DPF3: variants seen among roughly 807,000 people sequenced by gnomAD.
DPF3 encodes the protein zinc finger protein DPF3.
Under a neutral mutation model 56.8 loss-of-function variants are expected in DPF3, and 18 were observed. The observed-to-expected ratio is 0.32, with a 90% confidence interval of 0.22 to 0.47. DPF3 has a LOEUF of 0.47. Among genes scored for constraint, DPF3 ranks in the 20% least tolerant of loss-of-function variants. The pLI is 1.00. For missense variants in DPF3, 403 were observed against 488.8 expected (o/e 0.82, Z 1.65); for synonymous variants, 188 against 180.2 (o/e 1.04, Z -0.35).
chr14:72,852,456 C>G (rs894577666), intron 1 of DPF3, among the ~76,000 whole-genome samples: 1 of 152,224 alleles, frequency 6.6e-6, no homozygotes, highest in African/African-American at 2.4e-5. Flanking sequence ...CTCACACCCC[C>G]TTGCCTGAAA....
intron 1 of DPF3, among the ~76,000 whole-genome samples, chr14:72,798,752 C>T (rs1178708652): frequency 1.3e-5 from 2 of 152,212 alleles, no homozygotes; most frequent in South Asian, 4.1e-4. Context: ...TCAGTTCCTG[C>T]CTTGGGCCAA....
At chr14:72,846,078 G>GTTTAT (rs58779335) in intron 1 of DPF3, among the ~76,000 whole-genome samples, 11,601 of 133,586 alleles carry the variant, frequency 0.087, 604 homozygotes, top group Non-Finnish European at 0.11. Context: ...TTATTTTACT[G>GTTTAT]TTTATTTTAT....
At chr14:72,765,237 A>G (rs1022248742) in intron 2 of DPF3, among the ~76,000 whole-genome samples, 2 of 152,228 alleles carry the variant, frequency 1.3e-5, no homozygotes, top group Admixed American at 1.3e-4. Context: ...AAAAATTTTC[A>G]AACTGACCAC....
chr14:72,692,016 G>T (rs1390955286), intron 7 of DPF3, among the ~76,000 whole-genome samples: 1 of 152,182 alleles, frequency 6.6e-6, no homozygotes, highest in African/African-American at 2.4e-5. Flanking sequence ...GGTTAAGGGA[G>T]ACCCCACACT....
In DPF3 at chr14:72,719,069, C is replaced by CTTTT. The variant is rs71448401; in HGVS notation, c.525+4560_525+4563dup. On this transcript the variant is annotated intron_variant, in intron 5 of 10. Transcript: ENST00000556509. ...ACAGGTGTGAGCCACCGTGCCAGGC[C>CTTTT]TTTTTTTTTTTTTTTTTTGAGATGG... 1.4e-3 allele frequency among the ~76,000 whole-genome samples: 136 copies of CTTTT among 100,692 alleles called. 7 individuals are homozygous for CTTTT. Among genetic ancestry groups the CTTTT allele is most frequent in the African/African-American group, 1.8e-3 (47 of 26,152 alleles). The allele number at this position is 100,692 out of a possible 152,430, so 66.1% of individuals were successfully genotyped here.
At chr14:72,673,439 A>G (rs1886776820) in intron 8 of DPF3, among the ~76,000 whole-genome samples, 1 of 152,246 alleles carries the variant, frequency 6.6e-6, no homozygotes, top group African/African-American at 2.4e-5. Flanking sequence ...TGCTGACATA[A>G]TACAATATGA....
chr14:72,676,274 T>A (rs1241228225), intron 7 of DPF3, among the ~76,000 whole-genome samples: 1 of 152,140 alleles, frequency 6.6e-6, no homozygotes, highest in African/African-American at 2.4e-5. Context: ...TGGAAGGCAA[T>A]CAGAGAATCC....
intron 1 of DPF3, among the ~76,000 whole-genome samples, chr14:72,886,268 A>C (rs1886542198): frequency 6.6e-6 from 1 of 152,172 alleles, no homozygotes; most frequent in Admixed American, 6.5e-5. Flanking sequence ...GCTACTCGGG[A>C]GACTGAGACA....
intron 8 of DPF3, among the ~76,000 whole-genome samples, chr14:72,631,773 T>C (rs764850734): frequency 3.3e-5 from 5 of 152,250 alleles, no homozygotes; most frequent in Non-Finnish European, 4.4e-5. Context: ...ATTAATCAGC[T>C]ACACATGTAT....
chr14:72,712,257 C>T (rs961753465), intron 6 of DPF3, among the ~76,000 whole-genome samples: 1 of 152,128 alleles, frequency 6.6e-6, no homozygotes. Flanking sequence ...ACTGAGAGTC[C>T]CGAAACAAAG....
chr14:72,635,413 A>T (rs1219217068), intron 8 of DPF3, among the ~76,000 whole-genome samples: 2 of 152,214 alleles, frequency 1.3e-5, no homozygotes, highest in African/African-American at 4.8e-5. Flanking sequence ...ATGTGCACAG[A>T]TGCTGAAAAT....
At chr14:72,827,171 G>T (rs547463890) in intron 1 of DPF3, among the ~76,000 whole-genome samples, 2 of 152,202 alleles carry the variant, frequency 1.3e-5, no homozygotes, top group African/African-American at 2.4e-5. Context: ...TCCGCTTGGG[G>T]TGGTTACGAC....
intron 8 of DPF3, chr14:72,671,555 T>C (rs1886678389): frequency 2.7e-6 from 2 of 743,116 alleles, no homozygotes; most frequent in Non-Finnish European, 4.9e-6. Context: ...AAAGGCATCA[T>C]CTCTACCATA....
intron 8 of DPF3, among the ~76,000 whole-genome samples, chr14:72,649,179 G>T (rs1885819037): frequency 6.6e-6 from 1 of 152,044 alleles, no homozygotes; most frequent in African/African-American, 2.4e-5. Context: ...CACTTGTCAT[G>T]GTGGTTGGGA....
chr14:72,731,577 C>T (rs1180536653), intron 4 of DPF3: 11 of 538,262 alleles, frequency 2.0e-5, no homozygotes, highest in Non-Finnish European at 3.0e-5. Flanking sequence ...TTTGCATAGA[C>T]AGACAGAAGA....
rs535623757 is a variant in DPF3, at chr14:72,764,126, G to A, written c.193+7607C>T. 1.1e-4 allele frequency among the ~76,000 whole-genome samples: 17 copies of A among 152,222 alleles called. No homozygotes were observed. In the South Asian group the frequency reaches 1.5e-3, roughly 13 times the overall value. On this transcript the variant is annotated intron_variant, in intron 2 of 10. Transcript: ENST00000556509. ...CTCTGGATAAGGGATTATAAACAGC[G>A]GAGCCAACCACAAGATTAGCAGGCT...
At chr14:72,800,730 A>G (rs111795148) in intron 1 of DPF3, among the ~76,000 whole-genome samples, 5 of 152,234 alleles carry the variant, frequency 3.3e-5, no homozygotes, top group African/African-American at 1.2e-4. Flanking sequence ...GGATGGATAG[A>G]TGCATGGGTG....
rs541315632 is a variant in DPF3 at position 72,886,599 on chromosome 14, A to C, written c.32+7458T>G. Among the ~76,000 whole-genome samples the C allele has an allele frequency of 2.0e-5, 3 of 152,280 alleles. No homozygotes were observed. In the South Asian group the frequency reaches 6.2e-4, roughly 32 times the overall value. On this transcript the variant is annotated intron_variant, in intron 1 of 10. Coordinates refer to ENST00000556509, the MANE Select transcript of DPF3 (RefSeq NM_001280542.3). ...GTATATTTTAGCACAATAAAGAAAA[A>C]TTGAGGGAATGCCTCTCTCTGCTGG...
In DPF3 at chr14:72,641,514, T is replaced by C. The variant is rs1350396797; in HGVS notation, c.872-11778A>G. On this transcript the variant is annotated intron_variant, in intron 8 of 10. Coordinates refer to ENST00000556509, the MANE Select transcript of DPF3 (RefSeq NM_001280542.3). ...TCGAAGATCTTCAGTCCTAGGTGAC[T>C]GAGCCTTGCCCACAAGGCTGGGGCA... 2.0e-5 allele frequency among the ~76,000 whole-genome samples: 3 copies of C among 152,344 alleles called. No homozygotes were observed. The East Asian group carries it at 5.8e-4, about 29-fold the overall frequency.
Sources: gnomAD v4.1 joint callset for allele counts (sites outside exome capture counted in the v4.1 genomes callset) on GRCh38, gnomAD v4.1.1 for gene constraint, MANE v1.5 for transcripts, NCBI Gene and HGNC (gene_info 2026-07-23, HGNC 2026-07-21) for gene names.